The following INTS12 variants were observed in gnomAD, a reference collection of about 807,000 sequenced individuals.
INTS12 encodes PHD finger protein 22.
A neutral mutation model predicts 41.6 loss-of-function variants in INTS12; 13 were observed. The ratio of observed to expected loss-of-function variants is 0.31; its 90% CI spans 0.20 to 0.50. INTS12 has a LOEUF of 0.50. INTS12 is among the 20% of genes least tolerant of loss of function. The pLI is 0.98. For synonymous variants in INTS12, 199 were observed against 191.4 expected, an observed-to-expected ratio of 1.04 and a Z score of -0.33; for missense variants, 432 against 541.6, an observed-to-expected ratio of 0.80 and a Z score of 2.01.
At chr4:105,686,245 C>T (rs1731493659) in intron 7 of INTS12, among the ~76,000 whole-genome samples, 1 of 152,054 alleles carries the variant, frequency 6.6e-6, no homozygotes, top group Admixed American at 6.6e-5. Flanking sequence ...CCCATCACCA[C>T]CCCTGGCTAA....
chr4:105,700,739 A>ACACACACT (rs1732041174), intron 2 of INTS12, among the ~76,000 whole-genome samples: 1 of 151,812 alleles, frequency 6.6e-6, no homozygotes, highest in African/African-American at 2.4e-5. Context: ...ACACACACAC[A>ACACACACT]CACACAGAGC....
In INTS12 at chr4:105,705,016, C is replaced by T. The variant is rs137906545; in HGVS notation, c.-171-1207G>A. On this transcript the variant is annotated intron_variant, in intron 1 of 7. Transcript: ENST00000340139. The stretch of plus-strand genomic sequence containing the variant: ...TCACTTGCTTAAAATCCTTTTATCA[C>T]TTCTCACAATCCAAAGGTTCAAGAA... Among the ~76,000 whole-genome samples, 67 of 152,310 alleles carry T rather than the reference C, an allele frequency of 4.4e-4. No homozygotes were observed. The Middle Eastern group carries it at 0.01, about 23-fold the overall frequency.
chr4:105,707,937 G>T (rs1331042478), intron 1 of INTS12: 7 of 984,838 alleles, frequency 7.1e-6, no homozygotes, highest in African/African-American at 5.2e-5. Flanking sequence ...CTCAAAAGAA[G>T]TCCAAAGTTG....
chr4:105,697,031 T>A lies in INTS12; in HGVS notation c.157-1363A>T, dbSNP rs372025672. 1.1e-3 allele frequency among the ~76,000 whole-genome samples: 171 copies of A among 152,366 alleles called. 1 individual carries two copies. Among genetic ancestry groups the A allele is most frequent in the South Asian group, 7.5e-3 (36 of 4,826 alleles). ...TATTTGATAAAATATTTTGCCCATT[T>A]AAAAGAAATGAATCTGTTTGTTTTA... On this transcript the variant is annotated intron_variant, in intron 3 of 7. Coordinates refer to ENST00000340139, the MANE Select transcript of INTS12 (RefSeq NM_020395.4).
chr4:105,695,629 A>C lies in INTS12; in HGVS notation c.196T>G (p.Ser66Ala). ...PPKISSTKNI[S>A]IKQEPKISSS... is the part of the protein sequence containing the mutation. ...GATATTTTGGGCTCTTGCTTAATGG[A>C]AATGTTTTTTGTGCTTGAAATTTTG... is the stretch of plus-strand genomic sequence containing the variant. Residue 66 changes from serine to alanine, a missense_variant, in exon 4 of 8, where the codon TCC becomes GCC. Transcript: ENST00000340139. 1 of 1,613,086 alleles carries C rather than the reference A, an allele frequency of 6.2e-7. No homozygotes were observed. The highest frequency in any genetic ancestry group is 1.1e-5 in the South Asian group (1 of 90,860).
chr4:105,695,592 G>A lies in INTS12; in HGVS notation c.233C>T (p.Pro78Leu), dbSNP rs1412660381. 6.2e-7 allele frequency: 1 copy of A among 1,612,936 alleles called. No individual in the cohort carries two copies. The highest frequency in any genetic ancestry group is 8.5e-7 in the Non-Finnish European group (1 of 1,179,554). The change falls in exon 4 of 8, where the codon CCT (proline) becomes CTT (leucine). Residue 78 changes from proline (P) to leucine (L), a missense_variant. This residue lies in a region of INTS12 where 168 missense variants were observed against 198.9 expected (regional missense o/e 0.84). Transcript: ENST00000340139. ...GACCTTGCCATTATTATTACCAGAA[G>A]GAAGACTGGATGATATTTTGGGCTC... ...KQEPKISSSL[P>L]SGNNNGKVLT... is the part of the protein sequence containing the mutation.
chr4:105,685,551 T>G (rs1731471221), intron 7 of INTS12, among the ~76,000 whole-genome samples: 1 of 152,170 alleles, frequency 6.6e-6, no homozygotes, highest in Non-Finnish European at 1.5e-5. Flanking sequence ...TATTTCGTAT[T>G]CATATTCTTT....
intron 3 of INTS12, among the ~76,000 whole-genome samples, chr4:105,698,510 G>A (rs1427699951): frequency 6.6e-6 from 1 of 152,030 alleles, no homozygotes; most frequent in East Asian, 1.9e-4. Flanking sequence ...AATTTTTCAT[G>A]TTCTTTAAGA....
chr4:105,700,137 C>A, intron 2 of INTS12, 123 bp from the exon 3 acceptor site: 5 of 566,680 alleles, frequency 8.8e-6, no homozygotes, highest in Non-Finnish European at 1.4e-5. Context: ...AATTTAAAAT[C>A]ACCAAAAAGT....
At chr4:105,695,263 A>C (rs1053424433) in intron 4 of INTS12, among the ~76,000 whole-genome samples, 5 of 152,128 alleles carry the variant, frequency 3.3e-5, no homozygotes, top group Admixed American at 1.3e-4. Flanking sequence ...GTTTACACTC[A>C]AAGTTACTAT....
At chr4:105,696,854 G>A (rs1024639212) in intron 3 of INTS12, among the ~76,000 whole-genome samples, 1 of 152,106 alleles carries the variant, frequency 6.6e-6, no homozygotes, top group African/African-American at 2.4e-5. Context: ...CCTCACCAAT[G>A]CTTTGTATGG....
intron 4 of INTS12, 101 bp from the exon 5 acceptor site, chr4:105,693,587 C>A: frequency 1.1e-6 from 1 of 876,200 alleles, no homozygotes; most frequent in Non-Finnish European, 1.8e-6. Context: ...TGAACAAGTC[C>A]ATTTTACAGA....
intron 7 of INTS12, 66 bp from the exon 8 acceptor site, chr4:105,683,383 A>G (rs1731393626): frequency 8.5e-7 from 1 of 1,171,794 alleles, no homozygotes; most frequent in African/African-American, 1.6e-5. Context: ...AAACATCCCA[A>G]GTTATGAATT....
intron 3 of INTS12, 92 bp downstream of exon 3, chr4:105,699,758 G>A (rs1731993033): frequency 2.3e-5 from 20 of 867,482 alleles, no homozygotes; most frequent in Middle Eastern, 2.5e-4. Context: ...AGATTATTTC[G>A]GCAGAGATTG....
chr4:105,689,737 T>C (rs1055696144), intron 6 of INTS12, among the ~76,000 whole-genome samples: 14 of 151,866 alleles, frequency 9.2e-5, no homozygotes, highest in Non-Finnish European at 4.4e-5. Context: ...ACTCCATCTC[T>C]ACAAAAAATA....
chr4:105,683,179 G>C lies in INTS12; in HGVS notation c.943C>G (p.Gln315Glu). The C allele has an allele frequency of 6.2e-7, 1 of 1,614,094 alleles. No individual in the cohort carries two copies. ...PSTAKLSSTT[Q>E]NNTGKPATSS... ...GTAGCAGGTTTCCCAGTATTGTTTTGTGTTGTTGAACTCAATTTTGCTGTT... is the reference window on the plus strand; with the variant it reads ...GTAGCAGGTTTCCCAGTATTGTTTTCTGTTGTTGAACTCAATTTTGCTGTT... Residue 315 changes from glutamine to glutamate, a missense_variant, in exon 8 of 8, where the codon CAA (glutamine) becomes GAA (glutamate). By Grantham distance (29) the Gln-to-Glu change is conservative. Transcript: ENST00000340139.
rs542877134 is a variant in INTS12 at position 105,686,902 on chromosome 4, T to C, written c.658-64A>G. 3.5e-4 allele frequency: 486 copies of C among 1,400,812 alleles called. 5 individuals are homozygous for C. The South Asian group carries it at 5.3e-3, about 15-fold the overall frequency. 86.8% of individuals were successfully genotyped at this position (1,400,812 alleles called of 1,614,324 possible). On this transcript the variant is annotated intron_variant, in intron 6 of 7. Transcript: ENST00000340139. Reference sequence around the variant, plus strand: ...AACTGAATATACAGAAAGATAATAATCCCTCACAGGACTCATCACTGAAAT... The same window carrying C: ...AACTGAATATACAGAAAGATAATAACCCCTCACAGGACTCATCACTGAAAT...
chr4:105,683,436 T>C, intron 7 of INTS12, 119 bp from the exon 8 acceptor site: 2 of 792,818 alleles, frequency 2.5e-6, no homozygotes, highest in Non-Finnish European at 3.9e-6. Context: ...CTTATGAAGC[T>C]GATCTGAAAA....
At chr4:105,692,751 A>G (rs1366967591) in intron 5 of INTS12, among the ~76,000 whole-genome samples, 1 of 152,186 alleles carries the variant, frequency 6.6e-6, no homozygotes. Context: ...GTCTTCCAAC[A>G]GCCTCATAAC....
Sources: gnomAD v4.1 joint callset for allele counts (sites outside exome capture counted in the v4.1 genomes callset) on GRCh38, gnomAD v4.1.1 for gene constraint, gnomAD v4.1.1 regional missense constraint, MANE v1.5 for transcripts, NCBI Gene and HGNC (gene_info 2026-07-23, HGNC 2026-07-21) for gene names.